Variants in GRID1 observed in about 807,000 individuals in gnomAD.
The protein encoded by GRID1 is glutamate ionotropic receptor delta type subunit 1.
Under a neutral mutation model 98.0 loss-of-function variants are expected in GRID1, and 28 were observed. The ratio of observed to expected loss-of-function variants is 0.29; its 90% confidence interval spans 0.21 to 0.39. GRID1 has a LOEUF of 0.39. Ranked by LOEUF, GRID1 falls within the 10% of genes least tolerant of loss-of-function variation. The probability of loss-of-function intolerance (pLI) is 1.00; values close to 1 mark genes in which losing one functional copy is unlikely to be tolerated. For synonymous variants in GRID1, 553 were observed against 538.5 expected (o/e 1.03, Z -0.37); for missense variants, 1,111 against 1,340.5 (o/e 0.83, Z 2.67).
chr10:85,901,589 A>C (rs1841390415), intron 5 of GRID1, among the ~76,000 whole-genome samples: 2 of 152,254 alleles, frequency 1.3e-5, no homozygotes, highest in Middle Eastern at 3.4e-3. Flanking sequence ...TAGCTCATTT[A>C]ATCTTCATGA....
At chr10:86,232,171 C>T (rs941072715) in intron 2 of GRID1, among the ~76,000 whole-genome samples, 18 of 152,168 alleles carry the variant, frequency 1.2e-4, no homozygotes, top group African/African-American at 3.9e-4. Flanking sequence ...CATCCCAATC[C>T]CACGAGGAAG....
chr10:85,757,914 T>C (rs567968373), intron 8 of GRID1, among the ~76,000 whole-genome samples: 1 of 152,290 alleles, frequency 6.6e-6, no homozygotes, highest in African/African-American at 2.4e-5. Flanking sequence ...CTAAGGGAAG[T>C]GTAAGCTCCA....
chr10:85,863,118 T>A (rs1843181071), intron 6 of GRID1, among the ~76,000 whole-genome samples: 1 of 152,172 alleles, frequency 6.6e-6, no homozygotes, highest in South Asian at 2.1e-4. Context: ...CTCAGGTCAC[T>A]GTAACAAAAA....
intron 8 of GRID1, among the ~76,000 whole-genome samples, chr10:85,782,253 T>TACAC (rs201340644): frequency 0.033 from 5,022 of 151,440 alleles, 129 homozygotes; most frequent in Middle Eastern, 0.048. Context: ...CACACGCACT[T>TACAC]ACACAGTAAT....
chr10:86,176,224 C>T (rs1845573572), intron 3 of GRID1, among the ~76,000 whole-genome samples: 1 of 152,196 alleles, frequency 6.6e-6, no homozygotes, highest in African/African-American at 2.4e-5. Flanking sequence ...CTTTGAACAC[C>T]ACGTTCTGGG....
intron 8 of GRID1, among the ~76,000 whole-genome samples, chr10:85,842,162 A>G (rs1458847082): frequency 6.6e-6 from 1 of 152,140 alleles, no homozygotes; most frequent in Non-Finnish European, 1.5e-5. Context: ...GAACAAGATC[A>G]TGTCCCTTGC....
At chr10:85,692,498 T>C (rs1008590913) in intron 12 of GRID1, among the ~76,000 whole-genome samples, 2 of 151,162 alleles carry the variant, frequency 1.3e-5, no homozygotes, top group African/African-American at 4.9e-5. Flanking sequence ...CTCATCTCTA[T>C]AAAAAAATGC....
intron 4 of GRID1, among the ~76,000 whole-genome samples, chr10:85,979,053 G>A (rs929782567): frequency 9.2e-5 from 14 of 152,066 alleles, no homozygotes; most frequent in African/African-American, 3.4e-4. Context: ...ATGTGGTGGG[G>A]TGGGGGGCTC....
intron 12 of GRID1, among the ~76,000 whole-genome samples, chr10:85,658,832 T>A (rs1216406714): frequency 1.3e-5 from 2 of 152,206 alleles, no homozygotes; most frequent in South Asian, 4.1e-4. Flanking sequence ...ATTGTTTAAA[T>A]CACGGATGTG....
chr10:85,938,488 T>C (rs531988910), intron 4 of GRID1, among the ~76,000 whole-genome samples: 1 of 152,330 alleles, frequency 6.6e-6, no homozygotes, highest in South Asian at 2.1e-4. Flanking sequence ...GAGTTTTACA[T>C]GGCTTGTCTC....
chr10:86,033,532 C>T (rs1843215013), intron 4 of GRID1, among the ~76,000 whole-genome samples: 1 of 152,202 alleles, frequency 6.6e-6, no homozygotes, highest in African/African-American at 2.4e-5. Context: ...AGGGAGACCA[C>T]CTGAAGCCCT....
chr10:85,673,218 C>T (rs971222510), intron 12 of GRID1, among the ~76,000 whole-genome samples: 1 of 152,174 alleles, frequency 6.6e-6, no homozygotes, highest in South Asian at 2.1e-4. Context: ...AATGGGTGAA[C>T]ATTTGTTTCT....
intron 2 of GRID1, among the ~76,000 whole-genome samples, chr10:86,242,252 C>T (rs745529592): frequency 3.9e-5 from 6 of 152,210 alleles, no homozygotes; most frequent in Admixed American, 1.3e-4. Flanking sequence ...AGGAACAACA[C>T]ATACGAAGAT....
In GRID1 at chr10:86,121,799, A is replaced by C. The variant is rs577406943; in HGVS notation, c.726+17020T>G. On this transcript the variant is annotated intron_variant, in intron 4 of 15. Coordinates refer to ENST00000327946, the MANE Select transcript of GRID1 (RefSeq NM_017551.3). ...ATCCCTACTTTAGATATAAGAAAAC[A>C]AAGGTTTGGAGAAGTTTTATAACTT... Among the ~76,000 whole-genome samples the C allele has an allele frequency of 3.5e-4, 54 of 152,362 alleles. 1 individual carries two copies. The highest frequency in any genetic ancestry group is 3.4e-4 in the Non-Finnish European group (23 of 68,036).
At chr10:85,824,100 T>G (rs1032641659) in intron 8 of GRID1, among the ~76,000 whole-genome samples, 6 of 152,188 alleles carry the variant, frequency 3.9e-5, no homozygotes, top group South Asian at 4.1e-4. Flanking sequence ...TAGCAATGTA[T>G]TAAGGGTTTT....
intron 4 of GRID1, among the ~76,000 whole-genome samples, chr10:85,993,748 CTATTTTATCCTAATGACAAAACTG>C (rs1169463939): frequency 4.6e-5 from 7 of 152,186 alleles, no homozygotes; most frequent in Non-Finnish European, 1.0e-4. Flanking sequence ...ATGAATTGTC[CTATTTTATCCTAATGACAAAACTG>C]TAAAGTAAAA....
intron 4 of GRID1, among the ~76,000 whole-genome samples, chr10:86,041,526 T>A (rs1843344934): frequency 6.6e-6 from 1 of 152,098 alleles, no homozygotes; most frequent in Non-Finnish European, 1.5e-5. Flanking sequence ...TTGCTTTCCA[T>A]AGTGGGGCCA....
intron 2 of GRID1, among the ~76,000 whole-genome samples, chr10:86,359,271 G>C (rs1848572013): frequency 6.6e-6 from 1 of 152,336 alleles, no homozygotes; most frequent in Non-Finnish European, 1.5e-5. Flanking sequence ...AGGACTGCAA[G>C]AGCGTGGCCT....
chr10:85,836,934 T>C (rs374191777), intron 8 of GRID1, among the ~76,000 whole-genome samples: 5,015 of 152,266 alleles, frequency 0.033, 123 homozygotes, highest in Non-Finnish European at 0.047. Context: ...AAGTGGCTCC[T>C]GTGGCTGCAC....
Sources: gnomAD v4.1 joint callset for allele counts (sites outside exome capture counted in the v4.1 genomes callset) on GRCh38, gnomAD v4.1.1 for gene constraint, MANE v1.5 for transcripts, NCBI Gene and HGNC (gene_info 2026-07-23, HGNC 2026-07-21) for gene names.